RGS6: variants seen among roughly 807,000 people sequenced by gnomAD.
The protein encoded by RGS6 is regulator of G protein signaling 6, also known as regulator of G-protein signaling 6.
RGS6 carries 30 observed loss-of-function variants against 78.5 expected under a neutral mutation model. The ratio of observed to expected loss-of-function variants is 0.38; its 90% confidence interval spans 0.29 to 0.52. RGS6 has a LOEUF of 0.52. Ranked by LOEUF, RGS6 falls within the 20% of genes least tolerant of loss-of-function variation. The pLI is 0.85. For synonymous variants in RGS6, 206 were observed against 206.0 expected (o/e 1.00, Z 0.00); for missense variants, 495 against 609.7 (o/e 0.81, Z 1.98).
chr14:72,137,161 G>T lies in RGS6; in HGVS notation c.84+172286G>T, dbSNP rs114803529. ...ACATAAACTAAGGTGCAGCCACTGG[G>T]TATCAAGCAAGGTTTCCTCACTGGT... On this transcript the variant is annotated intron_variant, in intron 2 of 17. Coordinates refer to ENST00000553525, the MANE Select transcript of RGS6 (RefSeq NM_001204424.2). 7.6e-3 allele frequency among the ~76,000 whole-genome samples: 1,150 copies of T among 152,282 alleles called. 13 individuals are homozygous for T. Among genetic ancestry groups the T allele is most frequent in the African/African-American group, 0.026 (1,098 of 41,548 alleles).
intron 2 of RGS6, among the ~76,000 whole-genome samples, chr14:72,111,720 A>G (rs1055234059): frequency 4.6e-5 from 7 of 152,162 alleles, no homozygotes; most frequent in African/African-American, 1.7e-4. Context: ...ACATTTGTAT[A>G]TATGTGGCCA....
chr14:71,948,195 T>G (rs781706266), intron 1 of RGS6, among the ~76,000 whole-genome samples: 15 of 152,132 alleles, frequency 9.9e-5, no homozygotes, highest in Non-Finnish European at 1.8e-4. Flanking sequence ...TACCCTCACA[T>G]CTTTTCAACA....
In RGS6 at chr14:72,472,924, C is replaced by T; in HGVS notation, c.589C>T (p.Arg197Ter). 2 of 1,613,140 alleles carry T rather than the reference C, an allele frequency of 1.2e-6. No homozygotes were observed. The highest frequency in any genetic ancestry group is 1.7e-6 in the Non-Finnish European group (2 of 1,179,590). ...TERKILDSQE[R>*]AFWDVHRPVP... Reference sequence around the variant, plus strand: ...AAGGAAAATTTTGGATAGTCAAGAACGAGCCTTTTGGGATGTCCACAGGCC... The same window carrying T: ...AAGGAAAATTTTGGATAGTCAAGAATGAGCCTTTTGGGATGTCCACAGGCC... Residue 197 changes from arginine to a stop codon, truncating the protein, a stop_gained, in exon 9 of 18, where the codon CGA becomes TGA. Coordinates refer to ENST00000553525, the MANE Select transcript of RGS6 (RefSeq NM_001204424.2). LOFTEE classifies it high-confidence loss of function.
At chr14:71,965,233 A>G (rs1329164388) in intron 2 of RGS6, among the ~76,000 whole-genome samples, 1 of 152,186 alleles carries the variant, frequency 6.6e-6, no homozygotes, top group African/African-American at 2.4e-5. Flanking sequence ...ATGCTGTGGG[A>G]GATAGAGAGG....
At chr14:71,886,575 A>G in the RGS6 span, among the ~76,000 whole-genome samples, 39 of 152,344 alleles carry the variant, frequency 2.6e-4, no homozygotes, top group African/African-American at 8.4e-4. Flanking sequence ...GGCAGTGGAC[A>G]AGACCAACAT....
At chr14:71,968,710 A>G (rs1168196069) in intron 2 of RGS6, among the ~76,000 whole-genome samples, 1 of 152,158 alleles carries the variant, frequency 6.6e-6, no homozygotes, top group Non-Finnish European at 1.5e-5. Context: ...CTGTTACCAC[A>G]TTGTTGGAGC....
chr14:71,982,834 G>A (rs752253843), intron 2 of RGS6, among the ~76,000 whole-genome samples: 35 of 152,140 alleles, frequency 2.3e-4, no homozygotes, highest in African/African-American at 8.2e-4. Context: ...ATGTTTTTCA[G>A]CATTTCCAGT....
chr14:72,184,144 T>A (rs2097208104), intron 2 of RGS6, among the ~76,000 whole-genome samples: 1 of 152,160 alleles, frequency 6.6e-6, no homozygotes, highest in Non-Finnish European at 1.5e-5. Context: ...GTGAGGCTTT[T>A]TCCCAGATGT....
chr14:72,060,356 C>T (rs546247008), intron 2 of RGS6, among the ~76,000 whole-genome samples: 16 of 141,704 alleles, frequency 1.1e-4, no homozygotes, highest in Admixed American at 2.3e-4. Flanking sequence ...TTGTCCCCTG[C>T]GCCACCCCTC....
At chr14:72,008,189 A>G (rs948667526) in intron 2 of RGS6, among the ~76,000 whole-genome samples, 6 of 152,194 alleles carry the variant, frequency 3.9e-5, no homozygotes, top group African/African-American at 4.8e-5. Flanking sequence ...TGGAGTGTCT[A>G]TGGCAGTTAT....
intron 10 of RGS6, among the ~76,000 whole-genome samples, chr14:72,475,199 GTTTTTTTT>G (rs11300478): frequency 2.5e-5 from 3 of 122,010 alleles, no homozygotes; most frequent in Non-Finnish European, 3.4e-5. Flanking sequence ...CTTTTTTATG[GTTTTTTTT>G]TTTTTTTTTT....
At chr14:72,421,364 G>A (rs2094170552) in intron 3 of RGS6, among the ~76,000 whole-genome samples, 1 of 152,052 alleles carries the variant, frequency 6.6e-6, no homozygotes, top group Non-Finnish European at 1.5e-5. Context: ...TCAAAACTAT[G>A]AGAAATGTAA....
At chr14:72,039,464 A>C (rs1457724641) in intron 2 of RGS6, among the ~76,000 whole-genome samples, 1 of 152,088 alleles carries the variant, frequency 6.6e-6, no homozygotes, top group Non-Finnish European at 1.5e-5. Flanking sequence ...GTTTCTTCTG[A>C]CAGTTTTGAC....
At chr14:72,423,465 C>A (rs377655510) in intron 3 of RGS6, among the ~76,000 whole-genome samples, 1 of 152,134 alleles carries the variant, frequency 6.6e-6, no homozygotes, top group African/African-American at 2.4e-5. Context: ...ATGTGGTACA[C>A]ATACACCATG....
intron 3 of RGS6, among the ~76,000 whole-genome samples, chr14:72,388,467 T>G (rs1316497775): frequency 6.6e-6 from 1 of 152,174 alleles, no homozygotes. Context: ...AGAGTTAACA[T>G]TTTATTCTTC....
chr14:72,167,931 C>A (rs1251790735), intron 2 of RGS6, among the ~76,000 whole-genome samples: 1 of 152,070 alleles, frequency 6.6e-6, no homozygotes, highest in Non-Finnish European at 1.5e-5. Context: ...CCTTGCTGTG[C>A]CTGGTTAACC....
At chr14:72,332,791 C>T (rs1386980303) in intron 2 of RGS6, among the ~76,000 whole-genome samples, 1 of 152,194 alleles carries the variant, frequency 6.6e-6, no homozygotes. Flanking sequence ...AAAAGCCTTC[C>T]TCGGGGAAAA....
At chr14:72,288,255 C>A (rs973171079) in intron 2 of RGS6, among the ~76,000 whole-genome samples, 1 of 152,116 alleles carries the variant, frequency 6.6e-6, no homozygotes, top group Non-Finnish European at 1.5e-5. Context: ...CAAGAATTGT[C>A]CCTCAAAAGG....
chr14:71,922,866 C>CAAAAT, the RGS6 span, among the ~76,000 whole-genome samples: 1 of 131,428 alleles, frequency 7.6e-6, no homozygotes, highest in South Asian at 2.2e-4. Context: ...AAAAACAAAA[C>CAAAAT]AAAACAAAAC....
Sources: gnomAD v4.1 joint callset for allele counts (sites outside exome capture counted in the v4.1 genomes callset) on GRCh38, gnomAD v4.1.1 for gene constraint, MANE v1.5 for transcripts, NCBI Gene and HGNC (gene_info 2026-07-23, HGNC 2026-07-21) for gene names.